The following EPS8 variants were observed in gnomAD, a reference collection of about 807,000 sequenced individuals.
EPS8 encodes epidermal growth factor receptor kinase substrate 8.
Under a neutral mutation model 103.8 loss-of-function variants are expected in EPS8, and 42 were observed. That is an observed-to-expected ratio of 0.40 (90% CI 0.32 to 0.52). EPS8 has a LOEUF of 0.52. Among genes scored for constraint, EPS8 ranks in the 20% least tolerant of loss-of-function variants. EPS8 has a pLI of 0.40. For synonymous variants in EPS8, 344 were observed against 344.6 expected, an observed-to-expected ratio of 1.00 and a Z score of 0.02; for missense variants, 969 against 1,005.1, an observed-to-expected ratio of 0.96 and a Z score of 0.49.
chr12:15,670,985 TATC>T, intron 3 of EPS8, 62 bp from the exon 4 acceptor site: 3 of 1,212,200 alleles, frequency 2.5e-6, no homozygotes, highest in East Asian at 4.7e-5. Context: ...CATATGTTGG[TATC>T]ATGTGGCTAT....
Position 15,749,073 on chromosome 12 carries a change from T to C in EPS8, c.-22+40088A>G, listed in dbSNP as rs564443531. ...GTCAAGATCCATCCTAGTGTTCTTT[T>C]GGAAGAGCTAAATGTAATACTGTTG... On this transcript the variant is annotated intron_variant, in intron 1 of 20. Transcript: ENST00000281172. This position sits in a 1 kb window ranked among gnomAD's most constrained non-coding sequence, Gnocchi z 4.0. Among the ~76,000 whole-genome samples the C allele has an allele frequency of 5.9e-5, 9 of 152,296 alleles. No homozygotes were observed. The South Asian group carries it at 1.9e-3, about 32-fold the overall frequency.
At chr12:15,783,563 C>T (rs1333839626) in intron 1 of EPS8, among the ~76,000 whole-genome samples, 1 of 152,082 alleles carries the variant, frequency 6.6e-6, no homozygotes, top group Non-Finnish European at 1.5e-5. Flanking sequence ...ACATCAACTG[C>T]CTCTTCTCAA....
Position 15,660,632 on chromosome 12 carries a change from T to TA in EPS8, c.918dup (p.Lys307Ter). 5 of 1,538,962 alleles carry TA rather than the reference T, an allele frequency of 3.2e-6. No individual in the cohort carries two copies. The highest frequency in any genetic ancestry group is 4.5e-6 in the Non-Finnish European group (5 of 1,112,046). ...AACTTACCTCCTGGTCCTTTCCTTT[T>TA]ACCTTTCTTGTTTTTCTTCCTTTTA... On this transcript the variant is annotated frameshift_variant, in exon 10 of 21. Transcript: ENST00000281172. LOFTEE classifies it high-confidence loss of function.
intron 15 of EPS8, among the ~76,000 whole-genome samples, chr12:15,643,484 A>G (rs1262352708): frequency 6.6e-6 from 1 of 152,168 alleles, no homozygotes; most frequent in East Asian, 1.9e-4. Context: ...TCATGCCCGT[A>G]ATCCTAGCAC....
Position 15,702,867 on chromosome 12 carries a change from G to A in EPS8, c.-21-19895C>T, listed in dbSNP as rs541962590. 2.6e-5 allele frequency among the ~76,000 whole-genome samples: 4 copies of A among 152,176 alleles called. No individual in the cohort carries two copies. Among genetic ancestry groups the A allele is most frequent in the South Asian group, 2.1e-4 (1 of 4,822 alleles). ...GCAAAACCACATAATAAGTTCATTC[G>A]AGGCTGGGCGCGGTGGCTCAGGCCT... On this transcript the variant is annotated intron_variant, in intron 1 of 20. Transcript: ENST00000281172. The surrounding 1 kb of genome is among the most constrained non-coding windows in gnomAD (Gnocchi z 5.1).
In EPS8 at chr12:15,654,155, T is replaced by C; in HGVS notation, c.1240A>G (p.Met414Val). The C allele has an allele frequency of 6.8e-6, 11 of 1,613,764 alleles. No homozygotes were observed. Among genetic ancestry groups the C allele is most frequent in the Non-Finnish European group, 9.3e-6 (11 of 1,179,766 alleles). ...GTGGTAAATGCTTACCTGGCTTTCA[T>C]CCAAGTTCCTCCCAATGACATCCAC... ...QLWMSLGGTW[M>V]KARAEWPKEQ... The change falls in exon 13 of 21, where the codon ATG (methionine) becomes GTG (valine). Residue 414 changes from methionine to valine, a missense_variant. By Grantham distance (21) the Met-to-Val change is conservative. Coordinates refer to ENST00000281172, the MANE Select transcript of EPS8 (RefSeq NM_004447.6).
At chr12:15,724,698 T>C (rs964017097) in intron 1 of EPS8, among the ~76,000 whole-genome samples, 1 of 152,188 alleles carries the variant, frequency 6.6e-6, no homozygotes, top group Non-Finnish European at 1.5e-5. Flanking sequence ...GTTTTCATGG[T>C]AGTGAATAAA....
rs1399768941 is a variant in EPS8 at position 15,704,249 on chromosome 12, A to C, written c.-21-21277T>G. Reference sequence around the variant, plus strand: ...TCTGGGTGTATACCCAAAAGAACTGAAAGTAGAGACTAGATATTTGTACAC... The same window carrying C: ...TCTGGGTGTATACCCAAAAGAACTGCAAGTAGAGACTAGATATTTGTACAC... On this transcript the variant is annotated intron_variant, in intron 1 of 20. Coordinates refer to ENST00000281172, the MANE Select transcript of EPS8 (RefSeq NM_004447.6). The surrounding 1 kb of genome is among the most constrained non-coding windows in gnomAD (Gnocchi z 4.6). Among the ~76,000 whole-genome samples, 1 of 152,190 alleles carries C rather than the reference A, an allele frequency of 6.6e-6. No individual in the cohort carries two copies. The highest frequency in any genetic ancestry group is 1.5e-5 in the Non-Finnish European group (1 of 68,032).
At position 15,624,187 on chromosome 12, in the gene EPS8, T is replaced by G. The variant is rs1250373598; in HGVS notation, c.2225+40A>C. On this transcript the variant is annotated intron_variant, in intron 19 of 20. Coordinates refer to ENST00000281172, the MANE Select transcript of EPS8 (RefSeq NM_004447.6). ...TAAGCAAATTGAAAACAATGCATGT[T>G]GTACACACAGAATTGCAAAGTATTC... 5 of 1,530,046 alleles carry G rather than the reference T, an allele frequency of 3.3e-6. No individual in the cohort carries two copies. The East Asian group carries it at 6.8e-5, about 21-fold the overall frequency. 94.8% of individuals were successfully genotyped at this position (1,530,046 alleles called of 1,614,324 possible).
chr12:15,781,441 A>G lies in EPS8; in HGVS notation c.-22+7720T>C, dbSNP rs1947259887. Reference sequence around the variant, plus strand: ...ATCCCAATTCGGTCCCTTTCTCCCCATGTGTGACACAAGTCACTTTTTCTT... The same window carrying G: ...ATCCCAATTCGGTCCCTTTCTCCCCGTGTGTGACACAAGTCACTTTTTCTT... On this transcript the variant is annotated intron_variant, in intron 1 of 20. Transcript: ENST00000281172. This position sits in a 1 kb window ranked among gnomAD's most constrained non-coding sequence, Gnocchi z 4.1. Among the ~76,000 whole-genome samples, 1 of 152,164 alleles carries G rather than the reference A, an allele frequency of 6.6e-6. No homozygotes were observed. Among genetic ancestry groups the G allele is most frequent in the Non-Finnish European group, 1.5e-5 (1 of 68,038 alleles).
chr12:15,703,950 A>T (rs1012101840), intron 1 of EPS8, among the ~76,000 whole-genome samples: 1 of 145,980 alleles, frequency 6.9e-6, no homozygotes, highest in Non-Finnish European at 1.5e-5. Context: ...CGATATATTA[A>T]TTTTAAATCT....
intron 13 of EPS8, among the ~76,000 whole-genome samples, chr12:15,653,461 C>T (rs980040806): frequency 2.6e-5 from 4 of 152,144 alleles, no homozygotes; most frequent in African/African-American, 9.7e-5. Flanking sequence ...CAATGATCTG[C>T]TACCCGAAGT....
rs757184310 is a variant in EPS8, at chr12:15,662,034, T to C, written c.802A>G (p.Arg268Gly). The C allele has an allele frequency of 6.2e-7, 1 of 1,612,912 alleles. No homozygotes were observed. Among genetic ancestry groups the C allele is most frequent in the Non-Finnish European group, 8.5e-7 (1 of 1,178,876 alleles). ...TPEMMAARID[R>G]DVQILNHILD... ...GCGACTCCTGTACTTACCACATCTC[T>C]GTCAATGCGGGCTGCCATCATCTCA... Residue 268 changes from arginine (R) to glycine (G), a missense_variant, in exon 9 of 21, where the codon AGA becomes GGA. Physicochemically the swap from Arg to Gly is moderately radical, Grantham distance 125. Transcript: ENST00000281172.
In EPS8 at chr12:15,721,451, G is replaced by A. The variant is rs1027867565; in HGVS notation, c.-21-38479C>T. ...AAAACTACATAATACTCAGCTAAAA[G>A]AACGAGGTTTGTGGGGCTCAACAAA... On this transcript the variant is annotated intron_variant, in intron 1 of 20. Transcript: ENST00000281172. This position sits in a 1 kb window ranked among gnomAD's most constrained non-coding sequence, Gnocchi z 4.4. Among the ~76,000 whole-genome samples the A allele has an allele frequency of 6.6e-6, 1 of 152,104 alleles. No individual in the cohort carries two copies. The highest frequency in any genetic ancestry group is 1.5e-5 in the Non-Finnish European group (1 of 68,022).
intron 1 of EPS8, among the ~76,000 whole-genome samples, chr12:15,722,158 G>A (rs1211489085): frequency 6.7e-6 from 1 of 148,550 alleles, no homozygotes; most frequent in Non-Finnish European, 1.5e-5. Context: ...ATTGTCTTGA[G>A]CCACACATAA....
At chr12:15,652,488 A>G (rs1185340388) in intron 13 of EPS8, among the ~76,000 whole-genome samples, 1 of 152,194 alleles carries the variant, frequency 6.6e-6, no homozygotes, top group Non-Finnish European at 1.5e-5. Context: ...AAGGTGATGG[A>G]TATCCTAATT....
In EPS8 at chr12:15,760,496, A is replaced by T. The variant is rs962630763; in HGVS notation, c.-22+28665T>A. On this transcript the variant is annotated intron_variant, in intron 1 of 20. Coordinates refer to ENST00000281172, the MANE Select transcript of EPS8 (RefSeq NM_004447.6). This position sits in a 1 kb window ranked among gnomAD's most constrained non-coding sequence, Gnocchi z 4.5. Reference sequence around the variant, plus strand: ...CTGATAACAGAACCAAAGACATACCAAAAAGGGAAACTATGAGCCATATCT... The same window carrying T: ...CTGATAACAGAACCAAAGACATACCTAAAAGGGAAACTATGAGCCATATCT... 6.6e-6 allele frequency among the ~76,000 whole-genome samples: 1 copy of T among 151,990 alleles called. No individual in the cohort carries two copies. Among genetic ancestry groups the T allele is most frequent in the Non-Finnish European group, 1.5e-5 (1 of 67,890 alleles).
In EPS8 at chr12:15,621,373, T is replaced by C. The variant is rs920547761; in HGVS notation, c.2413A>G (p.Ser805Gly). The change falls in exon 21 of 21, where the codon AGT becomes GGT. Residue 805 changes from serine to glycine, a missense_variant. By Grantham distance (56) the Ser-to-Gly change is moderately conservative (BLOSUM62 0). Coordinates refer to ENST00000281172, the MANE Select transcript of EPS8 (RefSeq NM_004447.6). ...EIMRRRQEKISAAASDSGVES... is the reference protein window; with the variant it reads ...EIMRRRQEKIGAAASDSGVES... ...ACTCCTGAATCACTAGCGGCAGCAC[T>C]GATTTTTTCCTGTCGTCTTCTCATA... 7 of 1,605,302 alleles carry C rather than the reference T, an allele frequency of 4.4e-6. No individual in the cohort carries two copies. Among genetic ancestry groups the C allele is most frequent in the Middle Eastern group, 1.7e-4 (1 of 6,030 alleles).
rs1591888321 is a variant in EPS8, at chr12:15,714,571, G to A, written c.-21-31599C>T. Among the ~76,000 whole-genome samples the A allele has an allele frequency of 6.6e-6, 1 of 152,150 alleles. No homozygotes were observed. Among genetic ancestry groups the A allele is most frequent in the Admixed American group, 6.5e-5 (1 of 15,272 alleles). On this transcript the variant is annotated intron_variant, in intron 1 of 20. Transcript: ENST00000281172. This position sits in a 1 kb window ranked among gnomAD's most constrained non-coding sequence, Gnocchi z 4.1. ...ACAGGAGAACTGCTTGAGCCCAGGA[G>A]TTTGAGCCCAGGAGTGAGCTATGAT... is the stretch of plus-strand genomic sequence containing the variant.
Sources: gnomAD v4.1 joint callset for allele counts (sites outside exome capture counted in the v4.1 genomes callset) on GRCh38, gnomAD v4.1.1 for gene constraint, Gnocchi (gnomAD v3.1) non-coding constraint, MANE v1.5 for transcripts, NCBI Gene and HGNC (gene_info 2026-07-23, HGNC 2026-07-21) for gene names.